Variants in TUBGCP6 observed in about 807,000 individuals in gnomAD.
TUBGCP6 encodes the protein tubulin gamma complex component 6, also known as gamma-tubulin complex component 6.
A neutral mutation model predicts 175.8 loss-of-function variants in TUBGCP6; 161 were observed. The observed-to-expected ratio is 0.92, with a 90% CI of 0.81 to 1.04. The LOEUF is 1.04. Ranked by LOEUF, TUBGCP6 falls within the 50% of genes least tolerant of loss-of-function variation. The pLI is 0.00. For missense variants in TUBGCP6, 2,572 were observed against 2,433.0 expected (o/e 1.06, Z -1.20); for synonymous variants, 1,173 against 1,030.5 (o/e 1.14, Z -2.65).
rs766419417 is a variant in TUBGCP6, at chr22:50,229,574, C to T, written c.1120G>A (p.Ala374Thr). 1.3e-6 allele frequency: 2 copies of T among 1,588,202 alleles called. No homozygotes were observed. Among genetic ancestry groups the T allele is most frequent in the African/African-American group, 2.7e-5 (2 of 74,354 alleles). The stretch of plus-strand genomic sequence containing the variant: ...CCCCGCTTCACCACAAAGGCCTGGG[C>T]CGGCTGCACAGGGGCAGAGGACACT... The part of the protein sequence containing the change: ...VSATFSLCQP[A>T]QAFVVKRGVH... Residue 374 changes from alanine to threonine, a missense_variant, in exon 4 of 25, where the codon GCC becomes ACC. Coordinates refer to ENST00000248846, the MANE Select transcript of TUBGCP6 (RefSeq NM_020461.4).
In TUBGCP6 at chr22:50,221,373, C is replaced by T; in HGVS notation, c.2986G>A (p.Gly996Ser). Residue 996 changes from glycine to serine, a missense_variant, in exon 16 of 25, where the codon GGC (glycine) becomes AGC (serine). Gly to Ser is a moderately conservative substitution (Grantham distance 56, BLOSUM62 0). Transcript: ENST00000248846. The part of the protein sequence containing the change: ...EDSCGKMDAC[G>S]SASRETLLPS... The stretch of plus-strand genomic sequence containing the variant: ...AGCAGAGTCTCCCGCGAGGCGGAGC[C>T]ACAGGCATCCATCTTCCCACAACTG... 6.2e-7 allele frequency: 1 copy of T among 1,610,072 alleles called. No homozygotes were observed. The highest frequency in any genetic ancestry group is 8.5e-7 in the Non-Finnish European group (1 of 1,179,778).
In TUBGCP6 at chr22:50,227,060, C is replaced by T. The variant is rs754602743; in HGVS notation, c.1430G>A (p.Cys477Tyr). The T allele has an allele frequency of 1.2e-6, 2 of 1,611,810 alleles. No individual in the cohort carries two copies. Among genetic ancestry groups the T allele is most frequent in the East Asian group, 4.5e-5 (2 of 44,832 alleles). The change falls in exon 6 of 25, where the codon TGT becomes TAT. Residue 477 changes from cysteine (C) to tyrosine (Y), a missense_variant. By Grantham distance (194) the Cys-to-Tyr change is radical (BLOSUM62 -2). Coordinates refer to ENST00000248846, the MANE Select transcript of TUBGCP6 (RefSeq NM_020461.4). ...GCCCGGGAGCACAGCGCCAACGCCA[C>T]AGAGCTCGGCCAGGTACCTAGACCC... ...GRQLRYLAELCGVGAVLPGTC... is the reference protein window; with the variant it reads ...GRQLRYLAELYGVGAVLPGTC...
chr22:50,228,119 T>C (rs1482287704), intron 4 of TUBGCP6, 91 bp from the exon 5 acceptor site: 2 of 1,388,572 alleles, frequency 1.4e-6, no homozygotes, highest in Non-Finnish European at 1.9e-6. Flanking sequence ...GGAACAGCGC[T>C]TTGTTTCTTG....
At position 50,219,202 on chromosome 22, in the gene TUBGCP6, A is replaced by C; in HGVS notation, c.4492T>G (p.Leu1498Val). Residue 1498 changes from leucine to valine, a missense_variant, in exon 20 of 25, where the codon TTG (leucine) becomes GTG (valine). By Grantham distance (32) the Leu-to-Val change is conservative. Transcript: ENST00000248846. ...TAGTCGACAGCGGCCTTGTTCACCAAGGAGATGCTGGCAGGAGGGAGCTGG... is the reference window on the plus strand; with the variant it reads ...TAGTCGACAGCGGCCTTGTTCACCACGGAGATGCTGGCAGGAGGGAGCTGG... ...ITAPLAAHIS[L>V]VNKAAVDYFF... is the part of the protein sequence containing the mutation. 1.2e-6 allele frequency: 2 copies of C among 1,611,070 alleles called. No individual in the cohort carries two copies. Among genetic ancestry groups the C allele is most frequent in the South Asian group, 1.1e-5 (1 of 91,056 alleles).
chr22:50,244,628 G>A lies in TUBGCP6; in HGVS notation c.-169C>T, dbSNP rs556993424. On this transcript the variant is annotated 5_prime_UTR_variant, in exon 1 of 25. Coordinates refer to ENST00000248846, the MANE Select transcript of TUBGCP6 (RefSeq NM_020461.4). ...ATTTTTTAAAGGAGGTCTTGCGGTT[G>A]CTCTACTCAGAGTAAACACGCCCTG... is the stretch of plus-strand genomic sequence containing the variant. The A allele has an allele frequency of 1.5e-5, 18 of 1,197,992 alleles. No individual in the cohort carries two copies. Among genetic ancestry groups the A allele is most frequent in the Admixed American group, 5.8e-5 (2 of 34,334 alleles). The allele number at this position is 1,197,992 out of a possible 1,614,324, so 74.2% of individuals were successfully genotyped here.
At chr22:50,229,062 T>C (rs1452210081) in intron 4 of TUBGCP6, among the ~76,000 whole-genome samples, 1 of 152,108 alleles carries the variant, frequency 6.6e-6, no homozygotes, top group African/African-American at 2.4e-5. Context: ...CCCTGCGCTG[T>C]CAGTCATCCA....
At position 50,244,250 on chromosome 22, in the gene TUBGCP6, G is replaced by A. The variant is rs962939627; in HGVS notation, c.210C>T (p.Ile70=). 1 of 1,613,536 alleles carries A rather than the reference G, an allele frequency of 6.2e-7. No homozygotes were observed. The highest frequency in any genetic ancestry group is 8.5e-7 in the Non-Finnish European group (1 of 1,180,038). The change falls in exon 1 of 25, where the codon ATC becomes ATT. Residue 70 remains isoleucine (I), a synonymous_variant. Transcript: ENST00000248846. The part of the protein sequence containing the change: ...DMSKLPARNK[I]LMLSFDLRVG... Reference sequence around the variant, plus strand: ...CTCTCAAGTCAAAGGACAACATGAGGATCTTGTTTCTCGCTGGTAGTTTTG... The same window carrying A: ...CTCTCAAGTCAAAGGACAACATGAGAATCTTGTTTCTCGCTGGTAGTTTTG...
intron 2 of TUBGCP6, among the ~76,000 whole-genome samples, chr22:50,238,178 G>T (rs2064799366): frequency 6.6e-6 from 1 of 151,882 alleles, no homozygotes; most frequent in African/African-American, 2.4e-5. Context: ...AGACTTATGA[G>T]GGAGAGTTTG....
chr22:50,240,236 G>A lies in TUBGCP6; in HGVS notation c.873C>T (p.Ala291=). ...CTCGCTCCCAGCACCTCCGCTTGCT[G>A]GCCTCATAGGTAAGTGCGGCTTCCC... is the stretch of plus-strand genomic sequence containing the variant. ...DLWEAALTYE[A]SKRRCWERVG... The change falls in exon 2 of 25, where the codon GCC becomes GCT. Residue 291 remains alanine (A), a synonymous_variant. Coordinates refer to ENST00000248846, the MANE Select transcript of TUBGCP6 (RefSeq NM_020461.4). 1 of 1,614,006 alleles carries A rather than the reference G, an allele frequency of 6.2e-7. No homozygotes were observed. The highest frequency in any genetic ancestry group is 8.5e-7 in the Non-Finnish European group (1 of 1,180,028).
rs770971683 is a variant in TUBGCP6 at position 50,225,793 on chromosome 22, C to A, written c.1983+1G>T. 4 of 1,612,040 alleles carry A rather than the reference C, an allele frequency of 2.5e-6. No individual in the cohort carries two copies. The highest frequency in any genetic ancestry group is 8.5e-7 in the Non-Finnish European group (1 of 1,179,046). ...CCCCCGAGACCTGTGGTGCCACGCACCTTCTCCTCCTTGCTGACAGAGCTG... is the reference window on the plus strand; with the variant it reads ...CCCCCGAGACCTGTGGTGCCACGCAACTTCTCCTCCTTGCTGACAGAGCTG... On this transcript the variant is annotated splice_donor_variant, in intron 10 of 24. Coordinates refer to ENST00000248846, the MANE Select transcript of TUBGCP6 (RefSeq NM_020461.4). LOFTEE classifies it high-confidence loss of function.
In TUBGCP6 at chr22:50,224,378, C is replaced by T. The variant is rs148935356; in HGVS notation, c.2108G>A (p.Arg703His). 19 of 1,614,238 alleles carry T rather than the reference C, an allele frequency of 1.2e-5. No individual in the cohort carries two copies. Among genetic ancestry groups the T allele is most frequent in the Middle Eastern group, 1.6e-4 (1 of 6,062 alleles). ...SERMALDARK[R>H]EQFQRLKEQF... ...TTCTTTCAGCCTCTGAAACTGCTCA[C>T]GCTTCCGGGCATCCAAGGCCATCCG... Residue 703 changes from arginine to histidine, a missense_variant, in exon 12 of 25, where the codon CGT becomes CAT. By Grantham distance (29) the Arg-to-His change is conservative. Transcript: ENST00000248846.
chr22:50,229,860 C>CCT (rs1463509129), intron 3 of TUBGCP6, among the ~76,000 whole-genome samples: 1 of 152,194 alleles, frequency 6.6e-6, no homozygotes, highest in Non-Finnish European at 1.5e-5. Flanking sequence ...ACACAGACAG[C>CCT]CTCCTGGGGC....
At chr22:50,235,735 T>G in intron 2 of TUBGCP6, among the ~76,000 whole-genome samples, 1 of 150,732 alleles carries the variant, frequency 6.6e-6, no homozygotes, top group Admixed American at 6.6e-5. Context: ...AGGTCAGGAG[T>G]TCAAGACCAG....
chr22:50,220,961 G>T lies in TUBGCP6; in HGVS notation c.3398C>A (p.Thr1133Asn), dbSNP rs763471173. 14 of 1,606,908 alleles carry T rather than the reference G, an allele frequency of 8.7e-6. No individual in the cohort carries two copies. The South Asian group carries it at 1.5e-4, about 18-fold the overall frequency. Residue 1133 changes from threonine to asparagine, a missense_variant, in exon 16 of 25, where the codon ACC becomes AAC. Coordinates refer to ENST00000248846, the MANE Select transcript of TUBGCP6 (RefSeq NM_020461.4). ...GCTGGCGTTGGACACGTGCCCGTGG[G>T]TATTCCACCGTGGCCTGGTGGGAGC... ...DVAPTRPRWN[T>N]HGHVSNASIR...
intron 12 of TUBGCP6, 30 bp downstream of exon 12, chr22:50,224,302 C>T (rs200222025): frequency 9.3e-6 from 15 of 1,614,198 alleles, no homozygotes; most frequent in South Asian, 7.7e-5. Context: ...AACTGACAGG[C>T]GTGACCCCGC....
Position 50,244,652 on chromosome 22 carries a change from T to C in TUBGCP6, c.-193A>G. 1 of 919,384 alleles carries C rather than the reference T, an allele frequency of 1.1e-6. No individual in the cohort carries two copies. The highest frequency in any genetic ancestry group is 1.6e-6 in the Non-Finnish European group (1 of 638,984). 57.0% of individuals were successfully genotyped at this position (919,384 alleles called of 1,614,324 possible). A position where few individuals can be genotyped will look rare whatever the true frequency, so the allele number is the denominator to read the frequency against. ...TGCTCTACTCAGAGTAAACACGCCC[T>C]GCCCTCCCCAGTCCAAGCACGCTGC... On this transcript the variant is annotated 5_prime_UTR_variant, in exon 1 of 25. Coordinates refer to ENST00000248846, the MANE Select transcript of TUBGCP6 (RefSeq NM_020461.4).
At chr22:50,230,325 G>C (rs1362526404) in intron 3 of TUBGCP6, among the ~76,000 whole-genome samples, 2 of 151,956 alleles carry the variant, frequency 1.3e-5, no homozygotes, top group African/African-American at 4.8e-5. Context: ...TTAAAAGTTA[G>C]GCCAGGCATG....
intron 5 of TUBGCP6, among the ~76,000 whole-genome samples, chr22:50,227,672 G>A (rs1347620303): frequency 6.6e-6 from 1 of 152,234 alleles, no homozygotes; most frequent in African/African-American, 2.4e-5. Flanking sequence ...AATTAGGCAG[G>A]AGCCACCGGA....
rs774891117 is a variant in TUBGCP6, at chr22:50,217,936, A to G, written c.5350T>C (p.Ser1784Pro). The change falls in exon 24 of 25, where the codon TCC becomes CCC. Residue 1784 changes from serine to proline, a missense_variant. Coordinates refer to ENST00000248846, the MANE Select transcript of TUBGCP6 (RefSeq NM_020461.4). ...QQSYNTFKYY[S>P]HFLFKVVTKL... is the part of the protein sequence containing the mutation. ...GCCTCACCTTTGAAGAGAAAGTGGGAGTAGTACTTGAAGGTGTTGTAGGAC... is the reference window on the plus strand; with the variant it reads ...GCCTCACCTTTGAAGAGAAAGTGGGGGTAGTACTTGAAGGTGTTGTAGGAC... The G allele has an allele frequency of 3.1e-6, 5 of 1,607,464 alleles. No homozygotes were observed. Among genetic ancestry groups the G allele is most frequent in the Non-Finnish European group, 3.4e-6 (4 of 1,176,208 alleles).
Sources: allele counts gnomAD v4.1 joint callset (sites outside exome capture counted in the v4.1 genomes callset), GRCh38; gene constraint gnomAD v4.1.1; transcripts MANE v1.5; gene names NCBI Gene and HGNC (gene_info 2026-07-23, HGNC 2026-07-21).